The following RORB variants were observed in gnomAD, a reference collection of about 807,000 sequenced individuals.
The protein encoded by RORB is RAR related orphan receptor B, also known as nuclear receptor ROR-beta.
RORB carries 6 observed loss-of-function variants against 59.1 expected under a neutral mutation model. The observed-to-expected ratio is 0.10, with a 90% confidence interval of 0.06 to 0.20. RORB has a LOEUF of 0.20. Ranked by LOEUF, RORB falls within the 10% of genes least tolerant of loss-of-function variation. The pLI is 1.00. For synonymous variants in RORB, 215 were observed against 204.5 expected, an observed-to-expected ratio of 1.05 and a Z score of -0.44; for missense variants, 320 against 560.5, an observed-to-expected ratio of 0.57 and a Z score of 4.33.
intron 1 of RORB, among the ~76,000 whole-genome samples, chr9:74,551,640 G>A (rs1826610486): frequency 6.6e-6 from 1 of 152,136 alleles, no homozygotes; most frequent in African/African-American, 2.4e-5. Context: ...TACTATATTG[G>A]AAATTAATTT....
intron 1 of RORB, among the ~76,000 whole-genome samples, chr9:74,601,031 A>G (rs1366197327): frequency 1.3e-5 from 2 of 152,124 alleles, no homozygotes; most frequent in African/African-American, 2.4e-5. Context: ...TACATTAGCA[A>G]TTACTATTTT....
chr9:74,532,774 G>GTA (rs1177156761), intron 1 of RORB, among the ~76,000 whole-genome samples: 4 of 142,860 alleles, frequency 2.8e-5, no homozygotes, highest in Non-Finnish European at 4.5e-5. Context: ...ACGTGTATGT[G>GTA]TATGTGTGTA....
At chr9:74,672,479 C>T (rs957670483) in intron 9 of RORB, among the ~76,000 whole-genome samples, 5 of 152,138 alleles carry the variant, frequency 3.3e-5, no homozygotes, top group Non-Finnish European at 5.9e-5. Context: ...TTCCCTTCAA[C>T]GCTGATCTCT....
intron 1 of RORB, among the ~76,000 whole-genome samples, chr9:74,560,819 T>C (rs1334140969): frequency 1.3e-5 from 2 of 152,124 alleles, no homozygotes; most frequent in Non-Finnish European, 2.9e-5. Context: ...AACACATAAA[T>C]GGTTCTTTCC....
At chr9:74,592,270 A>G (rs1333912925) in intron 1 of RORB, among the ~76,000 whole-genome samples, 1 of 152,212 alleles carries the variant, frequency 6.6e-6, no homozygotes, top group Non-Finnish European at 1.5e-5. Context: ...TTTATTAAAA[A>G]TTCAAATTAT....
At chr9:74,665,204 G>T (rs1750846832) in intron 6 of RORB, among the ~76,000 whole-genome samples, 1 of 152,116 alleles carries the variant, frequency 6.6e-6, no homozygotes, top group African/African-American at 2.4e-5. Context: ...TAAGTATCAA[G>T]AAAACTTTAT....
At chr9:74,612,858 A>C (rs908811261) in intron 1 of RORB, among the ~76,000 whole-genome samples, 1 of 152,200 alleles carries the variant, frequency 6.6e-6, no homozygotes, top group African/African-American at 2.4e-5. Context: ...CTGACAAAAA[A>C]AAAGAAGTTC....
At chr9:74,546,763 G>T (rs927760693) in intron 1 of RORB, among the ~76,000 whole-genome samples, 2 of 152,142 alleles carry the variant, frequency 1.3e-5, no homozygotes, top group Non-Finnish European at 2.9e-5. Context: ...GATGCAGTAG[G>T]TTTATGATAG....
intron 1 of RORB, among the ~76,000 whole-genome samples, chr9:74,510,064 T>C (rs1451396756): frequency 6.6e-6 from 1 of 152,140 alleles, no homozygotes; most frequent in Non-Finnish European, 1.5e-5. Flanking sequence ...CTACTGTTAG[T>C]GATTTTTCAG....
intron 1 of RORB, among the ~76,000 whole-genome samples, chr9:74,564,141 T>C (rs1822438394): frequency 6.6e-6 from 1 of 152,212 alleles, no homozygotes; most frequent in Non-Finnish European, 1.5e-5. Context: ...CTGGTCTCGG[T>C]TGCTGGTATC....
At chr9:74,610,044 A>G (rs1823210880) in intron 1 of RORB, among the ~76,000 whole-genome samples, 1 of 152,234 alleles carries the variant, frequency 6.6e-6, no homozygotes, top group Non-Finnish European at 1.5e-5. Flanking sequence ...GTACTACTGA[A>G]TTTGGGCAAA....
chr9:74,678,609 A>G (rs1429150131), intron 9 of RORB, among the ~76,000 whole-genome samples: 1 of 152,204 alleles, frequency 6.6e-6, no homozygotes, highest in East Asian at 1.9e-4. Flanking sequence ...ATTTAGGAAA[A>G]ACAGTCATGT....
intron 1 of RORB, among the ~76,000 whole-genome samples, chr9:74,607,224 A>G (rs551152378): frequency 5.3e-5 from 8 of 152,336 alleles, no homozygotes; most frequent in African/African-American, 1.9e-4. Context: ...TCAACTTCCA[A>G]GTTAAGATCC....
chr9:74,640,122 TGAGTC>T (rs1823773472), intron 3 of RORB, among the ~76,000 whole-genome samples: 2 of 152,226 alleles, frequency 1.3e-5, no homozygotes, highest in South Asian at 4.1e-4. Context: ...TTAGTCTGAA[TGAGTC>T]AGATTGTTTG....
At chr9:74,606,592 T>C (rs946710862) in intron 1 of RORB, among the ~76,000 whole-genome samples, 1 of 152,198 alleles carries the variant, frequency 6.6e-6, no homozygotes, top group Admixed American at 6.5e-5. Flanking sequence ...AATGCTACCA[T>C]TCTTGGACTT....
intron 1 of RORB, among the ~76,000 whole-genome samples, chr9:74,560,666 G>A (rs1164970184): frequency 6.6e-6 from 1 of 151,376 alleles, no homozygotes; most frequent in Non-Finnish European, 1.5e-5. Context: ...TGATAAATTT[G>A]TCTAATAATA....
At chr9:74,626,261 A>G (rs1470283938) in intron 1 of RORB, among the ~76,000 whole-genome samples, 4 of 152,164 alleles carry the variant, frequency 2.6e-5, no homozygotes, top group Admixed American at 2.6e-4. Flanking sequence ...ATAGTAAACT[A>G]ATTGTACTTC....
chr9:74,531,056 C>T (rs908766948), intron 1 of RORB, among the ~76,000 whole-genome samples: 2 of 151,856 alleles, frequency 1.3e-5, no homozygotes, highest in Non-Finnish European at 2.9e-5. Context: ...GTTAATGATA[C>T]TATCCTGCAA....
chr9:74,564,204 C>T (rs1317078349), intron 1 of RORB, among the ~76,000 whole-genome samples: 1 of 152,176 alleles, frequency 6.6e-6, no homozygotes, highest in Admixed American at 6.5e-5. Flanking sequence ...CTCTGAGTCT[C>T]TGTAAAGATG....
Sources: allele counts gnomAD v4.1 joint callset (sites outside exome capture counted in the v4.1 genomes callset), GRCh38; gene constraint gnomAD v4.1.1; transcripts MANE v1.5; gene names NCBI Gene and HGNC (gene_info 2026-07-23, HGNC 2026-07-21).